The following DIAPH3 variants were observed in gnomAD, a reference collection of about 807,000 sequenced individuals.
DIAPH3 encodes the protein protein diaphanous homolog 3.
DIAPH3 carries 117 observed loss-of-function variants against 144.3 expected under a neutral mutation model. The observed-to-expected ratio is 0.81, with a 90% CI of 0.70 to 0.95. The LOEUF is 0.95. Ranked by LOEUF, DIAPH3 falls within the 40% of genes least tolerant of loss-of-function variation. DIAPH3 has a pLI of 0.00. For missense variants in DIAPH3, 1,421 were observed against 1,412.7 expected (o/e 1.01, Z -0.09); for synonymous variants, 519 against 488.9 (o/e 1.06, Z -0.81).
chr13:59,710,124 T>C (rs932972666), intron 27 of DIAPH3, among the ~76,000 whole-genome samples: 13 of 151,908 alleles, frequency 8.6e-5, no homozygotes, highest in African/African-American at 2.4e-4. Flanking sequence ...AGGGATAGCA[T>C]TGGGAGATAT....
chr13:59,737,033 G>A (rs2036189366), intron 27 of DIAPH3, among the ~76,000 whole-genome samples: 1 of 151,912 alleles, frequency 6.6e-6, no homozygotes, highest in Non-Finnish European at 1.5e-5. Context: ...ATGTAAAAAC[G>A]AAAACCATAA....
At position 60,118,305 on chromosome 13, in the gene DIAPH3, A is replaced by G. The variant is rs867169332; in HGVS notation, c.214-6119T>C. Among the ~76,000 whole-genome samples, 4 of 152,326 alleles carry G rather than the reference A, an allele frequency of 2.6e-5. No individual in the cohort carries two copies. In the South Asian group the frequency reaches 8.3e-4, roughly 32 times the overall value. Reference sequence around the variant, plus strand: ...TGAAAACTCAGTGTTTAAGGTTTTCAGTATTACAACATTTTAAACACCAAA... The same window carrying G: ...TGAAAACTCAGTGTTTAAGGTTTTCGGTATTACAACATTTTAAACACCAAA... On this transcript the variant is annotated intron_variant, in intron 2 of 27. Coordinates refer to ENST00000400324, the MANE Select transcript of DIAPH3 (RefSeq NM_001042517.2).
At chr13:59,827,256 T>C (rs891449888) in intron 24 of DIAPH3, among the ~76,000 whole-genome samples, 6 of 151,830 alleles carry the variant, frequency 4.0e-5, no homozygotes, top group African/African-American at 7.3e-5. Flanking sequence ...ACCTACAAAA[T>C]GAGAGAAAAT....
chr13:59,987,080 G>A (rs953860865), intron 12 of DIAPH3, among the ~76,000 whole-genome samples: 45 of 151,976 alleles, frequency 3.0e-4, no homozygotes, highest in Non-Finnish European at 7.4e-5. Context: ...CAACCCAAAT[G>A]TCCAACAATG....
At chr13:59,848,378 C>T (rs1421290630) in intron 22 of DIAPH3, among the ~76,000 whole-genome samples, 3 of 145,912 alleles carry the variant, frequency 2.1e-5, no homozygotes, top group Non-Finnish European at 4.5e-5. Context: ...AGGTTAGTTA[C>T]ATATGCATAC....
chr13:60,023,571 C>G (rs1354859504), intron 5 of DIAPH3, among the ~76,000 whole-genome samples: 3 of 151,778 alleles, frequency 2.0e-5, no homozygotes, highest in Admixed American at 2.0e-4. Flanking sequence ...GTAGCTGGGA[C>G]TACAGGCACG....
intron 5 of DIAPH3, chr13:60,034,450 T>TTTTGC (rs1271099076): frequency 1.3e-5 from 2 of 152,216 alleles, no homozygotes; most frequent in African/African-American, 4.8e-5. Flanking sequence ...TTTTGTTTTG[T>TTTTGC]TTTGCTTTGC....
At chr13:59,952,843 G>C (rs1594107149) in intron 17 of DIAPH3, among the ~76,000 whole-genome samples, 2 of 152,132 alleles carry the variant, frequency 1.3e-5, no homozygotes, top group Admixed American at 1.3e-4. Flanking sequence ...AAATGAAAAA[G>C]CATTCATTTA....
At chr13:59,712,396 C>T (rs144639816) in intron 27 of DIAPH3, among the ~76,000 whole-genome samples, 34 of 152,296 alleles carry the variant, frequency 2.2e-4, no homozygotes, top group Non-Finnish European at 4.4e-4. Context: ...AACTCAAGAG[C>T]CATATGTTTT....
chr13:59,983,912 G>A lies in DIAPH3; in HGVS notation c.1362-25C>T, dbSNP rs751390661. On this transcript the variant is annotated intron_variant, in intron 12 of 27. Coordinates refer to ENST00000400324, the MANE Select transcript of DIAPH3 (RefSeq NM_001042517.2). ...CCTAAAACCAAAGAAAAGAGTAAATGTACAATTGATAATTAGTGTAACTTT... is the reference window on the plus strand; with the variant it reads ...CCTAAAACCAAAGAAAAGAGTAAATATACAATTGATAATTAGTGTAACTTT... The A allele has an allele frequency of 6.9e-6, 10 of 1,442,016 alleles. No homozygotes were observed. The Admixed American group carries it at 8.4e-5, about 12-fold the overall frequency. 89.3% of individuals were successfully genotyped at this position (1,442,016 alleles called of 1,614,324 possible).
chr13:60,077,095 A>C (rs1379458447), intron 4 of DIAPH3, among the ~76,000 whole-genome samples: 1 of 152,130 alleles, frequency 6.6e-6, no homozygotes, highest in African/African-American at 2.4e-5. Flanking sequence ...AAATTTGAGT[A>C]TATGAATAAA....
At chr13:59,928,821 C>A (rs1030772532) in intron 17 of DIAPH3, among the ~76,000 whole-genome samples, 1 of 152,082 alleles carries the variant, frequency 6.6e-6, no homozygotes, top group Non-Finnish European at 1.5e-5. Flanking sequence ...CCTTCATCCC[C>A]GGGGCAGCAA....
At chr13:59,719,685 A>G (rs1021422621) in intron 27 of DIAPH3, among the ~76,000 whole-genome samples, 1 of 152,190 alleles carries the variant, frequency 6.6e-6, no homozygotes, top group African/African-American at 2.4e-5. Context: ...TTAAAGAGCC[A>G]TGCTTTCTGG....
At chr13:59,861,204 C>T (rs892286909) in intron 22 of DIAPH3, 54 of 1,463,378 alleles carry the variant, frequency 3.7e-5, no homozygotes, top group Non-Finnish European at 4.7e-5. Flanking sequence ...TATAAGGCCT[C>T]ATCATCTAAC....
intron 4 of DIAPH3, among the ~76,000 whole-genome samples, chr13:60,080,413 A>C (rs1263142888): frequency 6.6e-6 from 1 of 151,828 alleles, no homozygotes; most frequent in African/African-American, 2.4e-5. Flanking sequence ...CATACTGTAC[A>C]CTCTACTTAA....
At chr13:59,675,290 AC>A (rs2032584874) in intron 27 of DIAPH3, among the ~76,000 whole-genome samples, 1 of 151,576 alleles carries the variant, frequency 6.6e-6, no homozygotes, top group Admixed American at 6.6e-5. Flanking sequence ...CTCACCTAGA[AC>A]TCCTAGTCCC....
intron 27 of DIAPH3, among the ~76,000 whole-genome samples, chr13:59,691,603 A>T (rs1229778560): frequency 1.3e-5 from 2 of 152,158 alleles, no homozygotes; most frequent in Non-Finnish European, 2.9e-5. Context: ...TCAGAATAAA[A>T]CTCAACCTGA....
At position 59,804,699 on chromosome 13, in the gene DIAPH3, GA is replaced by G. The variant is rs545872894; in HGVS notation, c.3163+6088del. Among the ~76,000 whole-genome samples the G allele has an allele frequency of 3.9e-5, 6 of 152,124 alleles. No homozygotes were observed. The South Asian group carries it at 1.2e-3, about 32-fold the overall frequency. Reference sequence around the variant, plus strand: ...CATTTGTTCTACCCTTCTATATCGAGAAATTACTAAAACTATTGGCTTATTT... The same window carrying G: ...CATTTGTTCTACCCTTCTATATCGAGAATTACTAAAACTATTGGCTTATTT... On this transcript the variant is annotated intron_variant, in intron 25 of 27. Coordinates refer to ENST00000400324, the MANE Select transcript of DIAPH3 (RefSeq NM_001042517.2).
chr13:59,968,736 T>G (rs923149118), intron 17 of DIAPH3, among the ~76,000 whole-genome samples: 1 of 152,238 alleles, frequency 6.6e-6, no homozygotes, highest in African/African-American at 2.4e-5. Context: ...AATTACCTTT[T>G]AGAAAGAGAT....
Sources: gnomAD v4.1 joint callset for allele counts (sites outside exome capture counted in the v4.1 genomes callset) on GRCh38, gnomAD v4.1.1 for gene constraint, MANE v1.5 for transcripts, NCBI Gene and HGNC (gene_info 2026-07-23, HGNC 2026-07-21) for gene names.